Variants in DSCAML1 observed in about 807,000 individuals in gnomAD.
The protein encoded by DSCAML1 is DS cell adhesion molecule like 1.
In DSCAML1, 38 loss-of-function variants were observed where a neutral mutation model predicts 200.5. That is an observed-to-expected ratio of 0.19 (90% confidence interval 0.15 to 0.25). The LOEUF is 0.25. Among genes scored for constraint, DSCAML1 ranks in the 10% least tolerant of loss-of-function variants. DSCAML1 has a pLI of 1.00. For missense variants in DSCAML1, 2,223 were observed against 2,858.8 expected, an observed-to-expected ratio of 0.78 and a Z score of 5.07; for synonymous variants, 1,215 against 1,165.0, an observed-to-expected ratio of 1.04 and a Z score of -0.87.
chr11:117,773,531 A>G (rs1220252519), intron 3 of DSCAML1, among the ~76,000 whole-genome samples: 1 of 84,826 alleles, frequency 1.2e-5, no homozygotes, highest in Non-Finnish European at 2.7e-5. Context: ...CTCAAAATGC[A>G]CACACACACA....
At chr11:117,431,475 G>A in intron 31 of DSCAML1, 59 bp downstream of exon 31, 1 of 1,439,276 alleles carries the variant, frequency 6.9e-7, no homozygotes, top group Non-Finnish European at 9.3e-7. Context: ...AGAAGGTGAA[G>A]GTGAATGATG....
chr11:117,536,278 G>T (rs1281491573), intron 3 of DSCAML1, among the ~76,000 whole-genome samples: 1 of 152,174 alleles, frequency 6.6e-6, no homozygotes, highest in Non-Finnish European at 1.5e-5. Context: ...TGTGGAGAGC[G>T]GAGGGAGGCC....
At chr11:117,607,282 G>A (rs574051340) in intron 3 of DSCAML1, among the ~76,000 whole-genome samples, 1 of 152,316 alleles carries the variant, frequency 6.6e-6, no homozygotes, top group African/African-American at 2.4e-5. Flanking sequence ...ACAGGAAGCG[G>A]GAGGAGAGAG....
At chr11:117,815,208 AG>A (rs1258632153) in intron 1 of DSCAML1, among the ~76,000 whole-genome samples, 1 of 152,090 alleles carries the variant, frequency 6.6e-6, no homozygotes, top group Non-Finnish European at 1.5e-5. Context: ...AAGGGGCGGG[AG>A]GGAACAAGGG....
At chr11:117,442,003 T>G (rs2048060675) in intron 21 of DSCAML1, among the ~76,000 whole-genome samples, 1 of 148,126 alleles carries the variant, frequency 6.8e-6, no homozygotes, top group African/African-American at 2.6e-5. Flanking sequence ...TGTGTGGGTG[T>G]GTATGTGCAT....
intron 3 of DSCAML1, among the ~76,000 whole-genome samples, chr11:117,604,505 T>C (rs1289968683): frequency 1.3e-5 from 2 of 152,106 alleles, no homozygotes; most frequent in African/African-American, 4.8e-5. Context: ...TGCTCATAAA[T>C]AATGAACTGG....
intron 3 of DSCAML1, among the ~76,000 whole-genome samples, chr11:117,733,192 C>G (rs1410415625): frequency 6.6e-6 from 1 of 152,118 alleles, no homozygotes; most frequent in Admixed American, 6.5e-5. Context: ...CCCGGAAGAC[C>G]AGAGCAGCCA....
At chr11:117,613,298 G>A (rs2051734938) in intron 3 of DSCAML1, among the ~76,000 whole-genome samples, 1 of 151,996 alleles carries the variant, frequency 6.6e-6, no homozygotes, top group African/African-American at 2.4e-5. Context: ...GGGTGCTCTT[G>A]GAGTAATAGT....
In DSCAML1 at chr11:117,521,417, C is replaced by T; in HGVS notation, c.938-12G>A. 1 of 1,607,932 alleles carries T rather than the reference C, an allele frequency of 6.2e-7. No individual in the cohort carries two copies. Among genetic ancestry groups the T allele is most frequent in the Non-Finnish European group, 8.5e-7 (1 of 1,175,144 alleles). ...CACATGAAGGGGATCTGGGCCGGGCCAGGGAGACGTGAGGGGAAATGGGAG... is the reference window on the plus strand; with the variant it reads ...CACATGAAGGGGATCTGGGCCGGGCTAGGGAGACGTGAGGGGAAATGGGAG... On this transcript the variant is annotated splice_polypyrimidine_tract_variant and intron_variant, in intron 5 of 32. Coordinates refer to ENST00000651296, the MANE Select transcript of DSCAML1 (RefSeq NM_020693.4).
rs760150179 is a variant in DSCAML1, at chr11:117,435,827, A to G, written c.4721-28T>C. 1.9e-6 allele frequency: 3 copies of G among 1,586,550 alleles called. No individual in the cohort carries two copies. In the East Asian group the frequency reaches 6.8e-5, roughly 36 times the overall value. ...GAATGAGGGCAAAGAATAGAATTAG[A>G]TGTCCCTTATGAGCCAGGTGCTGTG... On this transcript the variant is annotated intron_variant, in intron 26 of 32. Coordinates refer to ENST00000651296, the MANE Select transcript of DSCAML1 (RefSeq NM_020693.4).
At chr11:117,732,367 G>A (rs1366939949) in intron 3 of DSCAML1, among the ~76,000 whole-genome samples, 1 of 152,174 alleles carries the variant, frequency 6.6e-6, no homozygotes, top group East Asian at 1.9e-4. Context: ...GGTCTTCCTG[G>A]TTCTAAGGAC....
chr11:117,607,974 C>A (rs754372648), intron 3 of DSCAML1, among the ~76,000 whole-genome samples: 1 of 152,204 alleles, frequency 6.6e-6, no homozygotes, highest in African/African-American at 2.4e-5. Context: ...TCTTTCTTTA[C>A]GTGATGAGCT....
chr11:117,652,590 G>A (rs1207846779), intron 3 of DSCAML1, among the ~76,000 whole-genome samples: 1 of 152,216 alleles, frequency 6.6e-6, no homozygotes, highest in Non-Finnish European at 1.5e-5. Flanking sequence ...GGGAAGAAGA[G>A]GTAGAGGAGA....
rs371881994 is a variant in DSCAML1 at position 117,435,609 on chromosome 11, C to T, written c.4876+35G>A. The stretch of plus-strand genomic sequence containing the variant: ...GGGACAATGTGGCTGAGAGCCAACA[C>T]CCCCTCCTGGAAGGCCCATAGGAAG... On this transcript the variant is annotated intron_variant, in intron 27 of 32. Transcript: ENST00000651296. The T allele has an allele frequency of 8.6e-5, 134 of 1,560,768 alleles. No individual in the cohort carries two copies. In the African/African-American group the frequency reaches 1.4e-3, roughly 17 times the overall value.
Position 117,780,290 on chromosome 11 carries a change from A to AAGACAGAC in DSCAML1, c.364+202_364+203insGTCTGTCT, listed in dbSNP as rs1555032770. ...AAAGAAAGAAAGAAAGAAAGAAAGAAAGAAAGAAAGAAAGAGAGAAAGGAG... is the reference window on the plus strand; with the variant it reads ...AAAGAAAGAAAGAAAGAAAGAAAGAAAGACAGACAGAAAGAAAGAAAGAGAGAAAGGAG... On this transcript the variant is annotated intron_variant, in intron 2 of 32. Coordinates refer to ENST00000651296, the MANE Select transcript of DSCAML1 (RefSeq NM_020693.4). This position sits in a 1 kb window ranked among gnomAD's most constrained non-coding sequence, Gnocchi z 4.8. 4.0e-5 allele frequency among the ~76,000 whole-genome samples: 4 copies of AAGACAGAC among 100,128 alleles called. No homozygotes were observed. The highest frequency in any genetic ancestry group is 2.7e-4 in the East Asian group (1 of 3,704). 65.7% of individuals were successfully genotyped at this position (100,128 alleles called of 152,430 possible). A position where few individuals can be genotyped will look rare whatever the true frequency, so the allele number is the denominator to read the frequency against.
intron 3 of DSCAML1, among the ~76,000 whole-genome samples, chr11:117,577,490 CTT>C (rs1565801678): frequency 5.0e-3 from 111 of 22,108 alleles, no homozygotes; most frequent in Non-Finnish European, 6.6e-3. Flanking sequence ...TCCTTCCTTC[CTT>C]CCTTCCTTCC....
chr11:117,602,769 C>A (rs545455823), intron 3 of DSCAML1, among the ~76,000 whole-genome samples: 18 of 152,238 alleles, frequency 1.2e-4, no homozygotes, highest in Non-Finnish European at 2.6e-4. Flanking sequence ...TTGAATCACT[C>A]ACAGTCTAGT....
chr11:117,809,393 C>T (rs777807367), intron 1 of DSCAML1, among the ~76,000 whole-genome samples: 8 of 152,220 alleles, frequency 5.3e-5, no homozygotes, highest in African/African-American at 9.6e-5. Context: ...GAGGACAACC[C>T]GCCTCCCTGG....
intron 3 of DSCAML1, among the ~76,000 whole-genome samples, chr11:117,553,948 A>G (rs1054461456): frequency 4.6e-5 from 7 of 152,282 alleles, no homozygotes; most frequent in African/African-American, 1.2e-4. Context: ...TTGCATACAC[A>G]TACAATGGAA....
Sources: allele counts gnomAD v4.1 joint callset (sites outside exome capture counted in the v4.1 genomes callset), GRCh38; gene constraint gnomAD v4.1.1; non-coding constraint Gnocchi (gnomAD v3.1); transcripts MANE v1.5; gene names NCBI Gene and HGNC (gene_info 2026-07-23, HGNC 2026-07-21).